The following SPTLC3 variants were observed in gnomAD, a reference collection of about 807,000 sequenced individuals.
SPTLC3 encodes the protein serine palmitoyltransferase long chain base subunit 3.
Under a neutral mutation model 59.3 loss-of-function variants are expected in SPTLC3, and 36 were observed. The observed-to-expected ratio is 0.61, with a 90% CI of 0.47 to 0.80. The LOEUF (loss-of-function observed/expected upper bound fraction) is 0.80. Among genes scored for constraint, SPTLC3 ranks in the 30% least tolerant of loss-of-function variants. SPTLC3 has a pLI of 0.00. For synonymous variants in SPTLC3, 257 were observed against 240.8 expected, an observed-to-expected ratio of 1.07 and a Z score of -0.62; for missense variants, 625 against 685.1, an observed-to-expected ratio of 0.91 and a Z score of 0.98.
chr20:13,052,133 G>A (rs922546520), intron 2 of SPTLC3, among the ~76,000 whole-genome samples: 1 of 152,154 alleles, frequency 6.6e-6, no homozygotes, highest in East Asian at 1.9e-4. Flanking sequence ...CAAGATCAAT[G>A]TAGAAGGCAT....
In SPTLC3 at chr20:13,052,594, T is replaced by C. The variant is rs376344813; in HGVS notation, c.303+3464T>C. 2.9e-4 allele frequency among the ~76,000 whole-genome samples: 44 copies of C among 152,204 alleles called. 2 individuals are homozygous for C. The South Asian group carries it at 3.3e-3, about 11-fold the overall frequency. On this transcript the variant is annotated intron_variant, in intron 2 of 11. Transcript: ENST00000399002. ...GAAGCCAGGGAACCAAGTGGTCTAA[T>C]TCAGTGGATCCCACCCCCACGGAGC...
chr20:13,092,818 G>C (rs906889647), intron 5 of SPTLC3, among the ~76,000 whole-genome samples: 5 of 152,080 alleles, frequency 3.3e-5, no homozygotes, highest in Non-Finnish European at 5.9e-5. Flanking sequence ...ACCATAATTT[G>C]CCTGCATTTT....
At chr20:13,056,400 TTC>T (rs1987724980) in intron 2 of SPTLC3, among the ~76,000 whole-genome samples, 1 of 152,106 alleles carries the variant, frequency 6.6e-6, no homozygotes, top group Non-Finnish European at 1.5e-5. Context: ...GTCACTATCT[TTC>T]TGATGGGACT....
At chr20:13,092,549 G>A (rs1002818937) in intron 5 of SPTLC3, among the ~76,000 whole-genome samples, 4 of 152,160 alleles carry the variant, frequency 2.6e-5, no homozygotes, top group Non-Finnish European at 5.9e-5. Flanking sequence ...TAGAAGCATT[G>A]AACTTCTTGG....
chr20:13,163,845 A>G (rs2038944326), intron 11 of SPTLC3, among the ~76,000 whole-genome samples: 1 of 152,206 alleles, frequency 6.6e-6, no homozygotes, highest in South Asian at 2.1e-4. Flanking sequence ...GAAAGGTTAA[A>G]AAGGCATGAC....
chr20:13,086,589 C>T (rs1368337355), intron 4 of SPTLC3, among the ~76,000 whole-genome samples: 1 of 152,068 alleles, frequency 6.6e-6, no homozygotes, highest in East Asian at 1.9e-4. Context: ...GATGCAAAAC[C>T]ACTCTTAACT....
intron 2 of SPTLC3, among the ~76,000 whole-genome samples, chr20:13,065,265 G>GTTT (rs34809007): frequency 8.7e-5 from 12 of 138,224 alleles, no homozygotes; most frequent in East Asian, 4.2e-4. Context: ...ATTTGTTAGA[G>GTTT]TTTTTTTTTT....
intron 9 of SPTLC3, among the ~76,000 whole-genome samples, chr20:13,127,141 C>T (rs1017253499): frequency 1.3e-5 from 2 of 152,164 alleles, no homozygotes; most frequent in African/African-American, 4.8e-5. Context: ...AGTGGAAGGC[C>T]ACCACTGGCC....
chr20:13,102,707 G>A (rs1989645906), intron 6 of SPTLC3, among the ~76,000 whole-genome samples: 1 of 152,146 alleles, frequency 6.6e-6, no homozygotes, highest in Non-Finnish European at 1.5e-5. Flanking sequence ...CCTGAATCAT[G>A]TCTCACCTTG....
intron 6 of SPTLC3, among the ~76,000 whole-genome samples, chr20:13,100,942 A>T (rs568903961): frequency 6.6e-6 from 1 of 152,198 alleles, no homozygotes; most frequent in South Asian, 2.1e-4. Context: ...CAAGTCACTT[A>T]TTCAGAAAGT....
chr20:13,103,977 T>C (rs1019178930), intron 6 of SPTLC3, among the ~76,000 whole-genome samples: 3 of 152,218 alleles, frequency 2.0e-5, no homozygotes, highest in Admixed American at 6.5e-5. Context: ...TCTTCAGCTT[T>C]TCCAGATCCA....
chr20:13,062,341 C>T lies in SPTLC3; in HGVS notation c.304-9915C>T, dbSNP rs930285739. 2.0e-5 allele frequency among the ~76,000 whole-genome samples: 3 copies of T among 152,096 alleles called. No individual in the cohort carries two copies. In the South Asian group the frequency reaches 6.2e-4, roughly 31 times the overall value. On this transcript the variant is annotated intron_variant, in intron 2 of 11. Transcript: ENST00000399002. ...AAGGCAACCCCAAAATACCAAAGGC[C>T]GAGAAATATTTTGCTAAATAAGATA...
chr20:13,028,797 A>G (rs1986284269), intron 1 of SPTLC3, among the ~76,000 whole-genome samples: 1 of 152,184 alleles, frequency 6.6e-6, no homozygotes, highest in Non-Finnish European at 1.5e-5. Flanking sequence ...TGAATTATTT[A>G]TGCTTTGTTC....
At chr20:13,036,865 T>C (rs959267461) in intron 1 of SPTLC3, among the ~76,000 whole-genome samples, 2 of 152,162 alleles carry the variant, frequency 1.3e-5, no homozygotes, top group Non-Finnish European at 2.9e-5. Context: ...GGGAACTGAC[T>C]GATGGATCCT....
intron 6 of SPTLC3, among the ~76,000 whole-genome samples, chr20:13,106,271 G>A (rs1009207510): frequency 2.0e-5 from 3 of 152,126 alleles, no homozygotes; most frequent in African/African-American, 7.2e-5. Context: ...CAATTATTAG[G>A]TAATGATTGA....
At chr20:13,071,033 C>G (rs1988415850) in intron 2 of SPTLC3, among the ~76,000 whole-genome samples, 1 of 152,134 alleles carries the variant, frequency 6.6e-6, no homozygotes, top group Non-Finnish European at 1.5e-5. Flanking sequence ...ACTCTCCCTC[C>G]TACTGTAATC....
intron 1 of SPTLC3, among the ~76,000 whole-genome samples, chr20:13,037,002 C>T (rs548390835): frequency 6.6e-6 from 1 of 152,162 alleles, no homozygotes; most frequent in African/African-American, 2.4e-5. Flanking sequence ...ACAATGTAAT[C>T]GAAAACCAGT....
At chr20:13,103,858 C>T (rs1424926011) in intron 6 of SPTLC3, among the ~76,000 whole-genome samples, 2 of 152,184 alleles carry the variant, frequency 1.3e-5, no homozygotes, top group African/African-American at 4.8e-5. Flanking sequence ...AAGAGGAAAG[C>T]TAAATGTCTG....
At chr20:13,160,953 A>AAGC (rs1312821642) in intron 11 of SPTLC3, among the ~76,000 whole-genome samples, 1 of 152,216 alleles carries the variant, frequency 6.6e-6, no homozygotes, top group Non-Finnish European at 1.5e-5. Context: ...CAAGACTTCC[A>AAGC]ATCAGTGGAG....
Sources: gnomAD v4.1 joint callset for allele counts (sites outside exome capture counted in the v4.1 genomes callset) on GRCh38, gnomAD v4.1.1 for gene constraint, MANE v1.5 for transcripts, NCBI Gene and HGNC (gene_info 2026-07-23, HGNC 2026-07-21) for gene names.